The following DNM3 variants were observed in gnomAD, a reference collection of about 807,000 sequenced individuals.
The protein encoded by DNM3 is dynamin 3, also known as dynamin-3.
In DNM3, 47 loss-of-function variants were observed where a neutral mutation model predicts 101.6. That is an observed-to-expected ratio of 0.46 (90% confidence interval 0.37 to 0.59). DNM3 has a LOEUF of 0.59. DNM3 is among the 20% of genes least tolerant of loss of function. The pLI, the probability that DNM3 is intolerant of heterozygous loss-of-function variation, is 0.00. For synonymous variants in DNM3, 385 were observed against 387.9 expected, an observed-to-expected ratio of 0.99 and a Z score of 0.09; for missense variants, 849 against 1,085.7, an observed-to-expected ratio of 0.78 and a Z score of 3.06.
At chr1:172,386,991 G>C in intron 18 of DNM3, 142 bp from the exon 19 acceptor site, 1 of 655,826 alleles carries the variant, frequency 1.5e-6, no homozygotes, top group Non-Finnish European at 2.6e-6. Flanking sequence ...GTAAACAGAC[G>C]CTTGGTGCTT....
chr1:172,253,794 T>A, intron 15 of DNM3, 112 bp downstream of exon 15: 1 of 554,266 alleles, frequency 1.8e-6, no homozygotes, highest in Non-Finnish European at 2.9e-6. Flanking sequence ...ATTTGTCTGC[T>A]CTTCAGTTTT....
At chr1:172,412,857 T>C (rs1255062150), downstream of DNM3, 5 of 688,120 alleles carry the variant, frequency 7.3e-6, no homozygotes, top group Non-Finnish European at 9.0e-6. Flanking sequence ...TTTCCATTTC[T>C]GTCATTAATT....
intron 15 of DNM3, among the ~76,000 whole-genome samples, chr1:172,307,372 C>A (rs1037874773): frequency 1.3e-5 from 2 of 152,160 alleles, no homozygotes; most frequent in African/African-American, 4.8e-5. Context: ...AGTCAGGAAA[C>A]AACAGATGCT....
intron 14 of DNM3, among the ~76,000 whole-genome samples, chr1:172,177,667 G>A (rs1266011768): frequency 6.6e-6 from 1 of 151,842 alleles, no homozygotes; most frequent in Non-Finnish European, 1.5e-5. Context: ...GAGACAATAG[G>A]AGTAAGGGAA....
At chr1:171,989,203 T>A (rs992107532) in intron 4 of DNM3, 55 bp downstream of exon 4, 5 of 1,472,914 alleles carry the variant, frequency 3.4e-6, no homozygotes, top group African/African-American at 1.4e-5. Context: ...AGTTTTGGTA[T>A]CTTTAAAGGT....
chr1:172,095,032 A>G (rs1451105838), intron 13 of DNM3, among the ~76,000 whole-genome samples: 1 of 152,188 alleles, frequency 6.6e-6, no homozygotes, highest in Non-Finnish European at 1.5e-5. Context: ...TGTTTCTGTG[A>G]CTTTGCTTTT....
rs79011375 is a variant in DNM3 at position 172,041,130 on chromosome 1, G to A, written c.993-879G>A. Among the ~76,000 whole-genome samples, 407 of 152,282 alleles carry A rather than the reference G, an allele frequency of 2.7e-3. 2 individuals are homozygous for A. Among genetic ancestry groups the A allele is most frequent in the African/African-American group, 9.2e-3 (382 of 41,572 alleles). ...TTGACAAAGATAAACTCAAAAGCAG[G>A]ATCATCATCTAGAGGAGCCTTCAGT... On this transcript the variant is annotated intron_variant, in intron 7 of 20. Transcript: ENST00000627582.
intron 16 of DNM3, among the ~76,000 whole-genome samples, chr1:172,315,340 T>C (rs2065281882): frequency 6.6e-6 from 1 of 152,074 alleles, no homozygotes; most frequent in South Asian, 2.1e-4. Context: ...GTGCCTCTCC[T>C]CCAAAGGAAC....
chr1:172,205,629 C>A (rs147316575), intron 14 of DNM3, among the ~76,000 whole-genome samples: 4 of 152,164 alleles, frequency 2.6e-5, no homozygotes, highest in African/African-American at 9.6e-5. Context: ...TTGCACATCT[C>A]TTTAATGTCT....
intron 1 of DNM3, among the ~76,000 whole-genome samples, chr1:171,917,456 C>G (rs1466790639): frequency 2.0e-5 from 3 of 152,120 alleles, no homozygotes; most frequent in Admixed American, 6.5e-5. Flanking sequence ...GAATTGTACT[C>G]TATTTTTTTG....
chr1:172,181,803 G>A (rs961309991), intron 14 of DNM3, among the ~76,000 whole-genome samples: 3 of 138,076 alleles, frequency 2.2e-5, no homozygotes, highest in African/African-American at 8.2e-5. Flanking sequence ...TGAAGACAGG[G>A]TTTTTTTTTT....
At chr1:172,366,125 T>A (rs1413257070) in intron 17 of DNM3, among the ~76,000 whole-genome samples, 4 of 151,774 alleles carry the variant, frequency 2.6e-5, no homozygotes, top group Non-Finnish European at 4.4e-5. Flanking sequence ...CCCTGCTACT[T>A]GGGAAGTTGA....
chr1:172,145,014 AT>A (rs953153827), intron 14 of DNM3, among the ~76,000 whole-genome samples: 1 of 151,954 alleles, frequency 6.6e-6, no homozygotes, highest in African/African-American at 2.4e-5. Context: ...TTCAGGCCAG[AT>A]TTTTTTCCTC....
intron 10 of DNM3, among the ~76,000 whole-genome samples, chr1:172,052,954 T>C (rs1055884004): frequency 4.6e-5 from 7 of 152,178 alleles, no homozygotes; most frequent in African/African-American, 1.7e-4. Context: ...GAACATTACT[T>C]TTAAGCCTGA....
intron 1 of DNM3, among the ~76,000 whole-genome samples, chr1:171,920,735 C>T (rs780191534): frequency 2.6e-5 from 4 of 152,154 alleles, no homozygotes; most frequent in Admixed American, 6.5e-5. Flanking sequence ...TTATGTAGTA[C>T]TATCTTTGCT....
chr1:171,910,663 C>T (rs2039218508), intron 1 of DNM3, among the ~76,000 whole-genome samples: 1 of 152,008 alleles, frequency 6.6e-6, no homozygotes, highest in Non-Finnish European at 1.5e-5. Context: ...TGAATGAATT[C>T]CAGAATAACT....
rs78149877 is a variant in DNM3, at chr1:172,049,599, A to C, written c.1335+849A>C. Among the ~76,000 whole-genome samples the C allele has an allele frequency of 8.9e-3, 1,361 of 152,272 alleles. 19 individuals carry two copies. Among genetic ancestry groups the C allele is most frequent in the African/African-American group, 0.03 (1,252 of 41,568 alleles). ...TTCATGAAAAGAATATCTTGTATTG[A>C]AAAACACAAAAAGAGAATTAGTGAT... On this transcript the variant is annotated intron_variant, in intron 10 of 20. Transcript: ENST00000627582.
chr1:171,932,065 T>G (rs2125370554), intron 2 of DNM3, among the ~76,000 whole-genome samples: 2 of 93,618 alleles, frequency 2.1e-5, no homozygotes, highest in South Asian at 4.9e-4. Flanking sequence ...CCTCCCTCCA[T>G]TCCTCCCTCC....
chr1:171,987,695 C>T lies in DNM3; in HGVS notation c.275C>T (p.Thr92Ile), dbSNP rs938931814. ...CTACATTGCAAAGGAAAGAAATTTACAGATTTTGATGAAGTTCGCCTTGAG... is the reference window on the plus strand; with the variant it reads ...CTACATTGCAAAGGAAAGAAATTTATAGATTTTGATGAAGTTCGCCTTGAG... ...EFLHCKGKKF[T>I]DFDEVRLEIE... The change falls in exon 3 of 21, where the codon ACA (threonine) becomes ATA (isoleucine). Residue 92 changes from threonine to isoleucine, a missense_variant. Coordinates refer to ENST00000627582, the MANE Select transcript of DNM3 (RefSeq NM_015569.5). The T allele has an allele frequency of 6.3e-7, 1 of 1,591,794 alleles. No individual in the cohort carries two copies. Among genetic ancestry groups the T allele is most frequent in the African/African-American group, 1.3e-5 (1 of 74,248 alleles).
Sources: allele counts gnomAD v4.1 joint callset (sites outside exome capture counted in the v4.1 genomes callset), GRCh38; gene constraint gnomAD v4.1.1; transcripts MANE v1.5; gene names NCBI Gene and HGNC (gene_info 2026-07-23, HGNC 2026-07-21).